STXBP4: variants seen among roughly 807,000 people sequenced by gnomAD.
STXBP4 encodes syntaxin-binding protein 4.
STXBP4 carries 55 observed loss-of-function variants against 76.1 expected under a neutral mutation model. That is an observed-to-expected ratio of 0.72 (90% CI 0.58 to 0.91). The LOEUF (loss-of-function observed/expected upper bound fraction) is 0.91. Among genes scored for constraint, STXBP4 ranks in the 40% least tolerant of loss-of-function variants. The pLI is 0.00. For synonymous variants in STXBP4, 201 were observed against 220.2 expected (o/e 0.91, Z 0.77); for missense variants, 618 against 636.9 (o/e 0.97, Z 0.32).
intron 1 of STXBP4, among the ~76,000 whole-genome samples, chr17:54,982,680 CT>C (rs2077567455): frequency 6.6e-6 from 1 of 151,106 alleles, no homozygotes; most frequent in Admixed American, 6.6e-5. Flanking sequence ...GGCTGAGGGC[CT>C]TGCAAGTTTG....
chr17:55,174,877 A>T (rs1020778759), downstream of STXBP4, among the ~76,000 whole-genome samples: 1 of 152,284 alleles, frequency 6.6e-6, no homozygotes, highest in East Asian at 1.9e-4. Context: ...AAAAAATGTC[A>T]TTTATAAGAT....
chr17:55,033,562 T>C (rs560626345), intron 9 of STXBP4, among the ~76,000 whole-genome samples: 26 of 152,250 alleles, frequency 1.7e-4, no homozygotes, highest in African/African-American at 6.3e-4. Context: ...GTGGAAAATA[T>C]TTGAGGATAC....
At chr17:55,122,715 A>T (rs900789333) in intron 16 of STXBP4, among the ~76,000 whole-genome samples, 1 of 152,198 alleles carries the variant, frequency 6.6e-6, no homozygotes, top group African/African-American at 2.4e-5. Context: ...AAAAGTTTAG[A>T]TTGTCAACTT....
chr17:55,122,318 CA>C (rs913435260), intron 16 of STXBP4, among the ~76,000 whole-genome samples: 2 of 152,098 alleles, frequency 1.3e-5, no homozygotes, highest in African/African-American at 2.4e-5. Context: ...TGGTACAAAC[CA>C]CAGAAGTACC....
chr17:55,034,667 T>G (rs1567729796), intron 10 of STXBP4, among the ~76,000 whole-genome samples: 1 of 152,078 alleles, frequency 6.6e-6, no homozygotes, highest in Non-Finnish European at 1.5e-5. Context: ...CCTTATTTAA[T>G]TAGCATCCAG....
At chr17:55,059,617 A>C (rs557959641) in intron 12 of STXBP4, among the ~76,000 whole-genome samples, 1 of 152,212 alleles carries the variant, frequency 6.6e-6, no homozygotes, top group African/African-American at 2.4e-5. Context: ...GCTGATCTAG[A>C]ACTCTACATC....
rs1228786970 is a variant in STXBP4 at position 55,160,373 on chromosome 17, T to G, written c.*462T>G. The G allele has an allele frequency of 1.3e-5, 2 of 152,808 alleles. No homozygotes were observed. The highest frequency in any genetic ancestry group is 2.9e-5 in the Non-Finnish European group (2 of 68,196). 9.5% of individuals were successfully genotyped at this position (152,808 alleles called of 1,614,324 possible). A position where few individuals can be genotyped will look rare whatever the true frequency, so the allele number is the denominator to read the frequency against. Reference sequence around the variant, plus strand: ...TGAACTTAGCAAGCTTTTTGGAATTTAAGGATCACATTTAGACATCTCATG... The same window carrying G: ...TGAACTTAGCAAGCTTTTTGGAATTGAAGGATCACATTTAGACATCTCATG... On this transcript the variant is annotated 3_prime_UTR_variant, in exon 18 of 18. Transcript: ENST00000376352.
intron 13 of STXBP4, among the ~76,000 whole-genome samples, chr17:55,077,214 A>T (rs956616261): frequency 8.6e-5 from 13 of 151,960 alleles, no homozygotes; most frequent in African/African-American, 3.1e-4. Context: ...TGTCTGTGAG[A>T]TCATGTTCTA....
intron 4 of STXBP4, chr17:54,991,465 C>T (rs1813219278): frequency 6.6e-6 from 1 of 152,038 alleles, no homozygotes; most frequent in South Asian, 2.1e-4. Context: ...GAAAGTCTTA[C>T]TCTCCTCTTC....
chr17:55,090,546 T>C (rs2079397634), intron 16 of STXBP4, among the ~76,000 whole-genome samples: 1 of 152,076 alleles, frequency 6.6e-6, no homozygotes, highest in Admixed American at 6.6e-5. Context: ...CTTTAAAAGG[T>C]CAAAAACCAG....
rs887744187 is a variant in STXBP4, at chr17:55,164,974, A to T, written c.*5063A>T. 2.6e-5 allele frequency: 4 copies of T among 152,176 alleles called. No individual in the cohort carries two copies. The highest frequency in any genetic ancestry group is 9.7e-5 in the African/African-American group (4 of 41,418). The allele number at this position is 152,176 out of a possible 1,614,324, so 9.4% of individuals were successfully genotyped here. A position where few individuals can be genotyped will look rare whatever the true frequency, so the allele number is the denominator to read the frequency against. On this transcript the variant is annotated 3_prime_UTR_variant, in exon 18 of 18. Transcript: ENST00000376352. ...TATATGTGTTTCTAGCCCTTGTGTA[A>T]TTCGTATTCTATGCAAAGGATATAC...
At chr17:55,102,500 C>T (rs188983239) in intron 16 of STXBP4, among the ~76,000 whole-genome samples, 63 of 152,094 alleles carry the variant, frequency 4.1e-4, no homozygotes, top group African/African-American at 1.3e-3. Context: ...TGTATATGTG[C>T]GATATTTTCT....
the STXBP4 span, among the ~76,000 whole-genome samples, chr17:55,188,200 A>G: frequency 3.3e-5 from 5 of 152,326 alleles, no homozygotes; most frequent in African/African-American, 1.2e-4. Flanking sequence ...TAATCAACTA[A>G]TGTTGAATAT....
chr17:55,093,729 G>GA (rs2079447117), intron 16 of STXBP4, among the ~76,000 whole-genome samples: 1 of 152,212 alleles, frequency 6.6e-6, no homozygotes, highest in African/African-American at 2.4e-5. Flanking sequence ...TTTATTTCCA[G>GA]AAAAAATGAG....
At chr17:55,037,102 C>T (rs911736235) in intron 10 of STXBP4, among the ~76,000 whole-genome samples, 2 of 151,998 alleles carry the variant, frequency 1.3e-5, no homozygotes, top group African/African-American at 4.8e-5. Flanking sequence ...CCCAGTTCTC[C>T]CAGAATGAAG....
intron 16 of STXBP4, among the ~76,000 whole-genome samples, chr17:55,116,514 C>T (rs572058586): frequency 1.6e-4 from 25 of 151,802 alleles, no homozygotes; most frequent in African/African-American, 5.8e-4. Context: ...TTGGGATTTC[C>T]AGATTAAAGA....
At chr17:55,185,231 CTTCTTCTTCTTCTT>C in the STXBP4 span, among the ~76,000 whole-genome samples, 1 of 46,188 alleles carries the variant, frequency 2.2e-5, no homozygotes, top group East Asian at 4.0e-4. Flanking sequence ...TCTTCTTCTT[CTTCTTCTTCTTCTT>C]CTTCTCCTTC....
intron 17 of STXBP4, among the ~76,000 whole-genome samples, chr17:55,157,154 A>T (rs1368587269): frequency 6.6e-6 from 1 of 152,176 alleles, no homozygotes; most frequent in Non-Finnish European, 1.5e-5. Flanking sequence ...AGAGGGAGGA[A>T]TTTAAATGAT....
chr17:55,113,396 G>A (rs1232392675), intron 16 of STXBP4, among the ~76,000 whole-genome samples: 2 of 152,058 alleles, frequency 1.3e-5, no homozygotes, highest in Admixed American at 1.3e-4. Context: ...AAGAAAAAAG[G>A]TATGGGAAAT....
Sources: allele counts gnomAD v4.1 joint callset (sites outside exome capture counted in the v4.1 genomes callset), GRCh38; gene constraint gnomAD v4.1.1; transcripts MANE v1.5; gene names NCBI Gene and HGNC (gene_info 2026-07-23, HGNC 2026-07-21).